The following SORCS3 variants were observed in gnomAD, a reference collection of about 807,000 sequenced individuals.
SORCS3 encodes VPS10 domain-containing receptor SorCS3.
A neutral mutation model predicts 146.3 loss-of-function variants in SORCS3; 57 were observed. The ratio of observed to expected loss-of-function variants is 0.39; its 90% confidence interval spans 0.31 to 0.49. SORCS3 has a LOEUF of 0.49. Among genes scored for constraint, SORCS3 ranks in the 20% least tolerant of loss-of-function variants. SORCS3 has a pLI of 0.92. For missense variants in SORCS3, 1,341 were observed against 1,575.5 expected, an observed-to-expected ratio of 0.85 and a Z score of 2.52; for synonymous variants, 653 against 618.5, an observed-to-expected ratio of 1.06 and a Z score of -0.83.
chr10:104,874,979 T>A (rs1415791351), intron 2 of SORCS3, among the ~76,000 whole-genome samples: 1 of 152,166 alleles, frequency 6.6e-6, no homozygotes, highest in East Asian at 1.9e-4. Flanking sequence ...GTGATCACAG[T>A]CTCCTATTTA....
intron 14 of SORCS3, among the ~76,000 whole-genome samples, chr10:105,183,806 T>A (rs1056926894): frequency 2.9e-5 from 2 of 67,864 alleles, no homozygotes; most frequent in African/African-American, 1.0e-4. Flanking sequence ...TAGGGTATAC[T>A]GGGGACTGGC....
chr10:104,787,099 A>G (rs2017445779), intron 1 of SORCS3, among the ~76,000 whole-genome samples: 1 of 152,206 alleles, frequency 6.6e-6, no homozygotes, highest in Non-Finnish European at 1.5e-5. Flanking sequence ...GACATCCCAT[A>G]GATGTTATAT....
intron 3 of SORCS3, among the ~76,000 whole-genome samples, chr10:104,944,483 G>T (rs2019349864): frequency 6.6e-6 from 1 of 152,104 alleles, no homozygotes; most frequent in Non-Finnish European, 1.5e-5. Context: ...CTCATATCTA[G>T]ACTACATAAA....
intron 4 of SORCS3, among the ~76,000 whole-genome samples, chr10:105,010,437 A>G (rs979525993): frequency 5.3e-5 from 8 of 152,224 alleles, no homozygotes; most frequent in Non-Finnish European, 1.2e-4. Flanking sequence ...GACCTACTCA[A>G]ATTGACAGAA....
At chr10:104,814,600 C>G (rs1372767761) in intron 1 of SORCS3, among the ~76,000 whole-genome samples, 2 of 152,196 alleles carry the variant, frequency 1.3e-5, no homozygotes, top group African/African-American at 2.4e-5. Context: ...CCCTGATTGT[C>G]AAATTCTGTT....
At chr10:104,812,931 T>C (rs2017756032) in intron 1 of SORCS3, among the ~76,000 whole-genome samples, 1 of 152,238 alleles carries the variant, frequency 6.6e-6, no homozygotes, top group Admixed American at 6.5e-5. Flanking sequence ...AGAATCAGAA[T>C]GTAGAGCCCA....
intron 7 of SORCS3, among the ~76,000 whole-genome samples, chr10:105,124,840 T>C (rs1164396066): frequency 6.6e-6 from 1 of 152,128 alleles, no homozygotes; most frequent in Non-Finnish European, 1.5e-5. Flanking sequence ...CACCTTGTAA[T>C]AATGTGCAGG....
At chr10:105,254,581 A>G (rs2056919223) in intron 23 of SORCS3, among the ~76,000 whole-genome samples, 1 of 152,234 alleles carries the variant, frequency 6.6e-6, no homozygotes, top group Non-Finnish European at 1.5e-5. Flanking sequence ...TTGGCCCTGC[A>G]GAACCTGCAT....
At chr10:104,892,338 C>T (rs1325003380) in intron 2 of SORCS3, among the ~76,000 whole-genome samples, 1 of 152,112 alleles carries the variant, frequency 6.6e-6, no homozygotes. Flanking sequence ...ACATCAAGAC[C>T]AATAAAAACA....
At chr10:104,928,693 G>A (rs536777321) in intron 3 of SORCS3, among the ~76,000 whole-genome samples, 1 of 152,246 alleles carries the variant, frequency 6.6e-6, no homozygotes, top group South Asian at 2.1e-4. Flanking sequence ...CAAGTGTCCT[G>A]GGATCCTCGG....
chr10:104,797,341 G>A (rs771906893), intron 1 of SORCS3, among the ~76,000 whole-genome samples: 1 of 152,086 alleles, frequency 6.6e-6, no homozygotes, highest in Non-Finnish European at 1.5e-5. Flanking sequence ...TTCCAAATAC[G>A]GTTTTTACAA....
chr10:105,001,037 A>G (rs1169899262), intron 4 of SORCS3, among the ~76,000 whole-genome samples: 1 of 152,210 alleles, frequency 6.6e-6, no homozygotes, highest in Non-Finnish European at 1.5e-5. Flanking sequence ...TTTATCTATT[A>G]GATCAAAATG....
intron 1 of SORCS3, among the ~76,000 whole-genome samples, chr10:104,757,177 C>T (rs1422748959): frequency 6.7e-6 from 1 of 149,578 alleles, no homozygotes; most frequent in African/African-American, 2.5e-5. Context: ...TCTGTCCCCA[C>T]ATCATGTGGC....
chr10:105,220,329 A>C (rs1393202127), intron 19 of SORCS3, among the ~76,000 whole-genome samples: 1 of 152,158 alleles, frequency 6.6e-6, no homozygotes, highest in Non-Finnish European at 1.5e-5. Flanking sequence ...ATGGTCTTTC[A>C]AGTTGTGAAC....
intron 1 of SORCS3, among the ~76,000 whole-genome samples, chr10:104,741,837 T>C (rs1305729277): frequency 6.6e-6 from 1 of 151,524 alleles, no homozygotes; most frequent in African/African-American, 2.4e-5. Flanking sequence ...GACTTTCTAT[T>C]TTTTCATGTG....
At chr10:105,207,381 C>A (rs1412637989) in intron 16 of SORCS3, among the ~76,000 whole-genome samples, 1 of 151,582 alleles carries the variant, frequency 6.6e-6, no homozygotes, top group Non-Finnish European at 1.5e-5. Flanking sequence ...ATGCAGGTTC[C>A]CGGAAATGAA....
chr10:104,723,933 T>C (rs1205995687), intron 1 of SORCS3, among the ~76,000 whole-genome samples: 7 of 152,244 alleles, frequency 4.6e-5, no homozygotes, highest in Non-Finnish European at 1.0e-4. Flanking sequence ...TTATCCAGTT[T>C]GCCAGTCTGT....
intron 5 of SORCS3, among the ~76,000 whole-genome samples, chr10:105,049,176 C>G (rs762212118): frequency 2.0e-5 from 3 of 152,054 alleles, no homozygotes; most frequent in Admixed American, 6.6e-5. Flanking sequence ...AGTATTTCAG[C>G]AAAGTAGCTT....
intron 5 of SORCS3, among the ~76,000 whole-genome samples, chr10:105,066,650 A>G (rs1174891046): frequency 6.6e-6 from 1 of 152,194 alleles, no homozygotes; most frequent in Admixed American, 6.5e-5. Context: ...GCCCAGCACC[A>G]GTCAAGACTG....
Sources: allele counts gnomAD v4.1 joint callset (sites outside exome capture counted in the v4.1 genomes callset), GRCh38; gene constraint gnomAD v4.1.1; transcripts MANE v1.5; gene names NCBI Gene and HGNC (gene_info 2026-07-23, HGNC 2026-07-21).